Variants in L3MBTL3 observed in about 807,000 individuals in gnomAD.
The protein encoded by L3MBTL3 is lethal(3)malignant brain tumor-like protein 3.
Under a neutral mutation model 102.3 loss-of-function variants are expected in L3MBTL3, and 27 were observed. The observed-to-expected ratio is 0.26, with a 90% confidence interval of 0.19 to 0.36. L3MBTL3 has a LOEUF of 0.36. L3MBTL3 is among the 10% of genes least tolerant of loss of function. The pLI, the probability that L3MBTL3 is intolerant of heterozygous loss-of-function variation, is 1.00. For missense variants in L3MBTL3, 798 were observed against 955.3 expected (o/e 0.84, Z 2.17); for synonymous variants, 340 against 320.9 (o/e 1.06, Z -0.64).
chr6:130,045,100 T>C (rs1180610457), intron 3 of L3MBTL3, among the ~76,000 whole-genome samples: 4 of 152,338 alleles, frequency 2.6e-5, no homozygotes, highest in Non-Finnish European at 5.9e-5. Context: ...CCATGATTGC[T>C]ATCCAGTCAA....
chr6:130,052,880 C>T lies in L3MBTL3; in HGVS notation c.471C>T (p.Asp157=), dbSNP rs547400421. The change falls in exon 7 of 23, where the codon GAC becomes GAT. Residue 157 remains aspartate (D), a synonymous_variant. Transcript: ENST00000361794. ...IKDKDQKEER[D]VEEDNEEEDP... is the part of the protein sequence containing the mutation. ...ACAGAGATCAGAAGGAAGAAAGGGA[C>T]GTAGAAGAAGACAATGAGGAAGAAG... is the stretch of plus-strand genomic sequence containing the variant. The T allele has an allele frequency of 2.6e-5, 42 of 1,612,784 alleles. No homozygotes were observed. In the South Asian group the frequency reaches 2.6e-4, roughly 10 times the overall value.
At chr6:130,090,255 A>G (rs1783959912) in intron 16 of L3MBTL3, among the ~76,000 whole-genome samples, 1 of 152,180 alleles carries the variant, frequency 6.6e-6, no homozygotes, top group African/African-American at 2.4e-5. Context: ...AATATACCAT[A>G]ATTTATTAAC....
intron 13 of L3MBTL3, among the ~76,000 whole-genome samples, chr6:130,074,224 A>G (rs1373455664): frequency 6.6e-6 from 1 of 152,214 alleles, no homozygotes; most frequent in Admixed American, 6.6e-5. Flanking sequence ...ATGTGTCTGT[A>G]TACATTTGTG....
chr6:130,139,318 C>A (rs1449018372), intron 22 of L3MBTL3, among the ~76,000 whole-genome samples: 1 of 152,186 alleles, frequency 6.6e-6, no homozygotes, highest in Non-Finnish European at 1.5e-5. Context: ...TTTCCATATT[C>A]TTCTTAACTC....
chr6:130,110,639 A>G (rs184593383), intron 19 of L3MBTL3, among the ~76,000 whole-genome samples: 10 of 152,196 alleles, frequency 6.6e-5, no homozygotes, highest in Admixed American at 2.0e-4. Flanking sequence ...GTCGTCCACA[A>G]ACAGACAATT....
At chr6:130,081,924 T>G (rs775916811) in intron 14 of L3MBTL3, among the ~76,000 whole-genome samples, 1 of 152,150 alleles carries the variant, frequency 6.6e-6, no homozygotes, top group Non-Finnish European at 1.5e-5. Flanking sequence ...TTCCTTGACT[T>G]TTATGACCTT....
chr6:130,093,404 T>G (rs1784173966), intron 17 of L3MBTL3, among the ~76,000 whole-genome samples: 1 of 152,174 alleles, frequency 6.6e-6, no homozygotes, highest in Non-Finnish European at 1.5e-5. Context: ...AAAACAAATG[T>G]AGGAAATACA....
chr6:130,131,833 T>G (rs1582644348), intron 20 of L3MBTL3, among the ~76,000 whole-genome samples: 1 of 152,262 alleles, frequency 6.6e-6, no homozygotes, highest in East Asian at 1.9e-4. Context: ...AGAGGTCACT[T>G]GGTTTTGGTG....
At chr6:130,104,967 G>A (rs1312847993) in intron 19 of L3MBTL3, among the ~76,000 whole-genome samples, 1 of 152,094 alleles carries the variant, frequency 6.6e-6, no homozygotes, top group Non-Finnish European at 1.5e-5. Flanking sequence ...ATTTCTTTTA[G>A]TGCTCATTAT....
At chr6:130,056,471 G>A (rs748938935) in intron 8 of L3MBTL3, among the ~76,000 whole-genome samples, 3 of 152,158 alleles carry the variant, frequency 2.0e-5, no homozygotes, top group Non-Finnish European at 2.9e-5. Flanking sequence ...CATGAACCAG[G>A]TGCTTCTCCT....
chr6:130,033,471 C>T (rs1024449344), intron 2 of L3MBTL3, among the ~76,000 whole-genome samples: 1 of 152,224 alleles, frequency 6.6e-6, no homozygotes, highest in Admixed American at 6.5e-5. Flanking sequence ...TGGCTTTTCT[C>T]ATTGCTGTCT....
intron 10 of L3MBTL3, among the ~76,000 whole-genome samples, chr6:130,065,737 A>G (rs969965025): frequency 2.0e-5 from 3 of 152,218 alleles, no homozygotes; most frequent in Admixed American, 1.3e-4. Flanking sequence ...TCGTAAGCCT[A>G]TATGACCTTC....
intron 2 of L3MBTL3, among the ~76,000 whole-genome samples, chr6:130,040,441 C>T (rs760284590): frequency 2.0e-5 from 3 of 151,932 alleles, no homozygotes; most frequent in Non-Finnish European, 2.9e-5. Flanking sequence ...TTTTGCTTAA[C>T]CGAGTTAGGC....
chr6:130,053,516 T>G (rs1236275863), intron 7 of L3MBTL3, among the ~76,000 whole-genome samples: 1 of 151,836 alleles, frequency 6.6e-6, no homozygotes, highest in Non-Finnish European at 1.5e-5. Context: ...GCTCCTGTAG[T>G]CCCAGCTACT....
In L3MBTL3 at chr6:130,113,742, A is replaced by G. The variant is rs1348954730; in HGVS notation, c.1887-7137A>G. Among the ~76,000 whole-genome samples, 4 of 152,230 alleles carry G rather than the reference A, an allele frequency of 2.6e-5. No homozygotes were observed. In the East Asian group the frequency reaches 5.8e-4, roughly 22 times the overall value. ...GCGGTTGCAAGAATTGCAGACATCA[A>G]TCTGGTTTATATTTTTAGCACGAAT... On this transcript the variant is annotated intron_variant, in intron 19 of 22. Transcript: ENST00000361794.
chr6:130,039,119 G>A (rs1780249490), intron 2 of L3MBTL3, among the ~76,000 whole-genome samples: 1 of 152,080 alleles, frequency 6.6e-6, no homozygotes, highest in Non-Finnish European at 1.5e-5. Context: ...AAACTAGGAT[G>A]TAGTAGAATA....
intron 18 of L3MBTL3, among the ~76,000 whole-genome samples, chr6:130,095,704 G>A (rs1227165116): frequency 6.6e-6 from 1 of 152,186 alleles, no homozygotes; most frequent in African/African-American, 2.4e-5. Context: ...TCTGGAGGCT[G>A]GAAAGTCTGA....
chr6:130,093,830 AAAG>A (rs2115244689), intron 17 of L3MBTL3, among the ~76,000 whole-genome samples: 1 of 152,226 alleles, frequency 6.6e-6, no homozygotes, highest in East Asian at 1.9e-4. Context: ...TGCAATGTAG[AAAG>A]AAGAGCATGG....
At chr6:130,023,738 C>T (rs1447764879) in intron 2 of L3MBTL3, among the ~76,000 whole-genome samples, 1 of 152,146 alleles carries the variant, frequency 6.6e-6, no homozygotes, top group Non-Finnish European at 1.5e-5. Flanking sequence ...ATTTTACCTT[C>T]GTCCAGCTTT....
Sources: gnomAD v4.1 joint callset for allele counts (sites outside exome capture counted in the v4.1 genomes callset) on GRCh38, gnomAD v4.1.1 for gene constraint, MANE v1.5 for transcripts, NCBI Gene and HGNC (gene_info 2026-07-23, HGNC 2026-07-21) for gene names.